CLTCL1: variants seen among roughly 807,000 people sequenced by gnomAD.
CLTCL1 encodes clathrin heavy chain 2.
In CLTCL1, 159 loss-of-function variants were observed where a neutral mutation model predicts 190.0. The observed-to-expected ratio is 0.84, with a 90% CI of 0.74 to 0.95. CLTCL1 has a LOEUF of 0.95. Among genes scored for constraint, CLTCL1 ranks in the 40% least tolerant of loss-of-function variants. CLTCL1 has a pLI of 0.00. For synonymous variants in CLTCL1, 752 were observed against 769.6 expected, an observed-to-expected ratio of 0.98 and a Z score of 0.38; for missense variants, 1,878 against 2,033.4, an observed-to-expected ratio of 0.92 and a Z score of 1.47.
Position 19,226,222 on chromosome 22 carries a change from G to C in CLTCL1, c.1944C>G (p.Pro648=). The change falls in exon 12 of 33, where the codon CCC becomes CCG. Residue 648 remains proline, a synonymous_variant. Transcript: ENST00000427926. ...RAVVHTHLLN[P]EWLVNFFGSL... ...AGTGCCCAGGGGTACACAGTACCTCGGGATTGAGGAGGTGAGTGTGGACCA... is the reference window on the plus strand; with the variant it reads ...AGTGCCCAGGGGTACACAGTACCTCCGGATTGAGGAGGTGAGTGTGGACCA... The C allele has an allele frequency of 6.2e-7, 1 of 1,613,554 alleles. No individual in the cohort carries two copies. Among genetic ancestry groups the C allele is most frequent in the East Asian group, 2.2e-5 (1 of 44,884 alleles).
intron 16 of CLTCL1, 43 bp from the exon 17 acceptor site, chr22:19,221,654 T>C (rs782487450): frequency 6.7e-7 from 1 of 1,501,654 alleles, no homozygotes; most frequent in African/African-American, 1.4e-5. Flanking sequence ...AGGCTACCAC[T>C]GGAAGTCTTG....
intron 26 of CLTCL1, 105 bp from the exon 27 acceptor site, chr22:19,191,540 T>C (rs2146250372): frequency 7.2e-7 from 1 of 1,380,336 alleles, no homozygotes; most frequent in Non-Finnish European, 1.0e-6. Flanking sequence ...AGGCCTGCCA[T>C]GACTACCCCC....
At chr22:19,204,097 C>A (rs2084979141) in intron 22 of CLTCL1, among the ~76,000 whole-genome samples, 1 of 152,242 alleles carries the variant, frequency 6.6e-6, no homozygotes, top group African/African-American at 2.4e-5. Flanking sequence ...GTCCTTCACT[C>A]TGTTTGTAGC....
At chr22:19,267,214 CTG>C (rs2087148423) in intron 2 of CLTCL1, among the ~76,000 whole-genome samples, 1 of 151,844 alleles carries the variant, frequency 6.6e-6, no homozygotes, top group African/African-American at 2.4e-5. Context: ...GAAAATAAGT[CTG>C]TATATAATAA....
At chr22:19,222,132 C>T in intron 15 of CLTCL1, 39 bp from the exon 16 acceptor site, 1 of 1,609,608 alleles carries the variant, frequency 6.2e-7, no homozygotes, top group Non-Finnish European at 8.5e-7. Context: ...GTGTTGCAAA[C>T]ACAAGTTATT....
chr22:19,184,271 T>C, intron 29 of CLTCL1: 1 of 297,394 alleles, frequency 3.4e-6, no homozygotes, highest in Non-Finnish European at 6.4e-6. Flanking sequence ...GACCCAGATG[T>C]AGTCACTTGC....
In CLTCL1 at chr22:19,225,528, C is replaced by T. The variant is rs1555955349; in HGVS notation, c.2053G>A (p.Val685Met). 6.3e-7 allele frequency: 1 copy of T among 1,587,286 alleles called. No homozygotes were observed. The highest frequency in any genetic ancestry group is 2.3e-5 in the East Asian group (1 of 43,454). Residue 685 changes from valine to methionine, a missense_variant, in exon 13 of 33, where the codon GTG (valine) becomes ATG (methionine). Transcript: ENST00000427926. ...IRQNLQLCVQ[V>M]ASKYHEQLGT... ...AGCTGCTCGTGGTACTTAGAGGCCA[C>T]CTGCACACACAGCTGAAGGTTCTGT...
At chr22:19,199,480 A>G (rs782446855) in intron 24 of CLTCL1, among the ~76,000 whole-genome samples, 1 of 152,250 alleles carries the variant, frequency 6.6e-6, no homozygotes, top group Non-Finnish European at 1.5e-5. Context: ...TGAAGGCCCA[A>G]TAACACAAGA....
chr22:19,211,120 A>T (rs1026407832), intron 19 of CLTCL1, among the ~76,000 whole-genome samples: 2 of 152,240 alleles, frequency 1.3e-5, no homozygotes, highest in Admixed American at 1.3e-4. Context: ...GTGGAAAAAA[A>T]ATCAGTGTAA....
intron 24 of CLTCL1, 62 bp downstream of exon 24, chr22:19,199,672 T>C (rs2084818382): frequency 7.7e-7 from 1 of 1,300,608 alleles, no homozygotes; most frequent in South Asian, 1.4e-5. Context: ...TGACCGTGCC[T>C]CTCTGTGGAG....
intron 10 of CLTCL1, among the ~76,000 whole-genome samples, chr22:19,231,016 C>G (rs1331399281): frequency 6.6e-6 from 1 of 152,186 alleles, no homozygotes; most frequent in South Asian, 2.1e-4. Flanking sequence ...GGCTCCCCAG[C>G]CTTTGGACTC....
chr22:19,272,723 C>T (rs1306838961), intron 2 of CLTCL1, among the ~76,000 whole-genome samples: 4 of 152,168 alleles, frequency 2.6e-5, no homozygotes, highest in African/African-American at 4.8e-5. Flanking sequence ...CTGCCTGCCT[C>T]GGCCTCCCAA....
chr22:19,262,135 C>T (rs1291155417), intron 2 of CLTCL1, among the ~76,000 whole-genome samples: 1 of 151,944 alleles, frequency 6.6e-6, no homozygotes, highest in South Asian at 2.1e-4. Flanking sequence ...AAGCGATTCT[C>T]CTGCCTCAGC....
At chr22:19,180,079 C>T in intron 32 of CLTCL1, 110 bp from the exon 33 acceptor site, 1 of 867,588 alleles carries the variant, frequency 1.2e-6, no homozygotes, top group Non-Finnish European at 1.9e-6. Flanking sequence ...ATAGGACCAG[C>T]CCTTACCACC....
intron 2 of CLTCL1, among the ~76,000 whole-genome samples, chr22:19,264,897 T>C (rs575444697): frequency 6.0e-4 from 92 of 152,204 alleles, no homozygotes; most frequent in Admixed American, 1.5e-3. Flanking sequence ...CAAGTGATTG[T>C]CCTCCTTCAG....
Position 19,199,842 on chromosome 22 carries a change from C to T in CLTCL1, c.3766-1G>A. ...GTCCATCCATGCAGGCAAAGCACAC[C>T]TAGGGGACGGAGGGCAAGCGTGAGG... On this transcript the variant is annotated splice_acceptor_variant, in intron 23 of 32. Coordinates refer to ENST00000427926, the MANE Select transcript of CLTCL1 (RefSeq NM_007098.4). LOFTEE classifies it high-confidence loss of function. 6.3e-7 allele frequency: 1 copy of T among 1,586,574 alleles called. No individual in the cohort carries two copies. The highest frequency in any genetic ancestry group is 1.3e-5 in the African/African-American group (1 of 74,428).
At chr22:19,235,937 A>C in intron 5 of CLTCL1, 68 bp from the exon 6 acceptor site, 4 of 1,324,728 alleles carry the variant, frequency 3.0e-6, no homozygotes, top group Non-Finnish European at 4.2e-6. Context: ...AAAAGAGCTC[A>C]CAAATGATAA....
chr22:19,201,315 T>C lies in CLTCL1; in HGVS notation c.3765+14A>G, dbSNP rs1244067608. 3 of 1,602,018 alleles carry C rather than the reference T, an allele frequency of 1.9e-6. No individual in the cohort carries two copies. In the Admixed American group the frequency reaches 5.2e-5, roughly 28 times the overall value. ...TCCAGCACACTCTGCCGTCTGCAGT[T>C]GCCCGCAGCTCACCTCCTTCCACGT... is the stretch of plus-strand genomic sequence containing the variant. On this transcript the variant is annotated intron_variant, in intron 23 of 32. Transcript: ENST00000427926.
intron 23 of CLTCL1, 90 bp from the exon 24 acceptor site, chr22:19,199,931 A>C: frequency 1.3e-6 from 1 of 757,806 alleles, no homozygotes; most frequent in Non-Finnish European, 2.2e-6. Flanking sequence ...GCAAATGCAG[A>C]AATACCAGCA....
Sources: allele counts gnomAD v4.1 joint callset (sites outside exome capture counted in the v4.1 genomes callset), GRCh38; gene constraint gnomAD v4.1.1; transcripts MANE v1.5; gene names NCBI Gene and HGNC (gene_info 2026-07-23, HGNC 2026-07-21).